Variants in MYH10 observed in about 807,000 individuals in gnomAD.
The protein encoded by MYH10 is myosin heavy chain 10.
Under a neutral mutation model 257.8 loss-of-function variants are expected in MYH10, and 55 were observed. The ratio of observed to expected loss-of-function variants is 0.21; its 90% CI spans 0.17 to 0.27. MYH10 has a LOEUF of 0.27. Among genes scored for constraint, MYH10 ranks in the 10% least tolerant of loss-of-function variants. MYH10 has a pLI of 1.00. For synonymous variants in MYH10, 854 were observed against 921.7 expected, an observed-to-expected ratio of 0.93 and a Z score of 1.33; for missense variants, 1,631 against 2,500.6, an observed-to-expected ratio of 0.65 and a Z score of 7.42.
In MYH10 at chr17:8,551,742, C is replaced by T. The variant is rs2082649327; in HGVS notation, c.919+304G>A. Among the ~76,000 whole-genome samples, 3 of 152,056 alleles carry T rather than the reference C, an allele frequency of 2.0e-5. No individual in the cohort carries two copies. The South Asian group carries it at 6.2e-4, about 31-fold the overall frequency. ...CATTAGGTAAATTTCTTTTCCCTTA[C>T]TTTCATATTTTAAAACGTTGAAACA... On this transcript the variant is annotated intron_variant, in intron 9 of 42. Coordinates refer to ENST00000360416, the MANE Select transcript of MYH10 (RefSeq NM_001256012.3).
At chr17:8,514,474 A>G (rs1391601192) in intron 21 of MYH10, among the ~76,000 whole-genome samples, 2 of 151,892 alleles carry the variant, frequency 1.3e-5, no homozygotes, top group Non-Finnish European at 2.9e-5. Flanking sequence ...AGATCTGTGG[A>G]GCCCTCACCT....
intron 5 of MYH10, 90 bp from the exon 6 acceptor site, chr17:8,576,762 C>A (rs1361606333): frequency 8.0e-7 from 1 of 1,253,444 alleles, no homozygotes; most frequent in Non-Finnish European, 1.1e-6. Context: ...AGCCAATGTG[C>A]AGTTGAGAAC....
At chr17:8,622,843 T>A in intron 2 of MYH10, 59 bp downstream of exon 2, 1 of 1,546,930 alleles carries the variant, frequency 6.5e-7, no homozygotes, top group South Asian at 1.2e-5. Flanking sequence ...TGACAAGATG[T>A]ATAATTTACA....
rs769993998 is a variant in MYH10, at chr17:8,484,285, GT to G, written c.5047-20del. On this transcript the variant is annotated intron_variant, in intron 36 of 42. Transcript: ENST00000360416. Reference sequence around the variant, plus strand: ...TCTGAGCCTAAGATTAAATAAGAAGGTTTTGGGGTGGTTTACATTCTTAGTT... The same window carrying G: ...TCTGAGCCTAAGATTAAATAAGAAGGTTTGGGGTGGTTTACATTCTTAGTT... 8 of 1,587,288 alleles carry G rather than the reference GT, an allele frequency of 5.0e-6. No individual in the cohort carries two copies. Among genetic ancestry groups the G allele is most frequent in the African/African-American group, 4.1e-5 (3 of 72,986 alleles).
chr17:8,558,727 A>C (rs1418438826), intron 7 of MYH10, among the ~76,000 whole-genome samples: 1 of 152,256 alleles, frequency 6.6e-6, no homozygotes, highest in Non-Finnish European at 1.5e-5. Flanking sequence ...TGAATATACA[A>C]AATTCTGATA....
At chr17:8,574,340 G>C (rs1173692124) in intron 6 of MYH10, among the ~76,000 whole-genome samples, 1 of 152,188 alleles carries the variant, frequency 6.6e-6, no homozygotes, top group Non-Finnish European at 1.5e-5. Context: ...CAAATACATA[G>C]AGACAGAAAG....
At chr17:8,546,220 G>A (rs2082439425) in intron 12 of MYH10, among the ~76,000 whole-genome samples, 2 of 151,726 alleles carry the variant, frequency 1.3e-5, no homozygotes, top group African/African-American at 4.8e-5. Flanking sequence ...CATCACGCCC[G>A]GCTAATTTTT....
At chr17:8,561,453 G>A in intron 7 of MYH10, 1 of 1,175,460 alleles carries the variant, frequency 8.5e-7, no homozygotes. Context: ...ATTACCGTGT[G>A]AGTTGTGCAA....
chr17:8,480,071 G>C (rs1348603883), intron 40 of MYH10, 39 bp downstream of exon 40: 1 of 1,603,306 alleles, frequency 6.2e-7, no homozygotes. Flanking sequence ...ACTGAGCCTA[G>C]TTGGTAAGTT....
intron 2 of MYH10, among the ~76,000 whole-genome samples, chr17:8,614,349 T>C (rs1265657314): frequency 7.6e-6 from 1 of 130,920 alleles, no homozygotes; most frequent in African/African-American, 3.0e-5. Context: ...GGATTCTCGC[T>C]CTGTTGTTCA....
Position 8,487,531 on chromosome 17 carries a change from T to C in MYH10, c.4948A>G (p.Lys1650Glu). ...RKQRALAVAS[K>E]KKMEIDLKDL... The stretch of plus-strand genomic sequence containing the variant: ...TTCAGGTCTATCTCCATCTTTTTCT[T>C]TGAAGCTACAGCAAGCGCCCGCTGT... The change falls in exon 36 of 43, where the codon AAG (lysine) becomes GAG (glutamate). Residue 1650 changes from lysine (K) to glutamate (E), a missense_variant. Lys to Glu is a moderately conservative substitution (Grantham distance 56). Transcript: ENST00000360416. The C allele has an allele frequency of 6.2e-7, 1 of 1,614,216 alleles. No homozygotes were observed. Among genetic ancestry groups the C allele is most frequent in the Non-Finnish European group, 8.5e-7 (1 of 1,180,042 alleles).
chr17:8,588,433 T>G (rs562447761), intron 4 of MYH10, among the ~76,000 whole-genome samples: 173 of 152,334 alleles, frequency 1.1e-3, no homozygotes, highest in African/African-American at 4.0e-3. Context: ...GTCAGGAGAT[T>G]TCAGCAACAA....
Position 8,504,648 on chromosome 17 carries a change from G to T in MYH10, c.3599+46C>A. On this transcript the variant is annotated intron_variant, in intron 28 of 42. Coordinates refer to ENST00000360416, the MANE Select transcript of MYH10 (RefSeq NM_001256012.3). This position sits in a 1 kb window ranked among gnomAD's most constrained non-coding sequence, Gnocchi z 5.6. Reference sequence around the variant, plus strand: ...CAGGCATTTCTGCACGGGCTCGGTGGAGAGGTCGGCAGGCGCCCGGGCCCT... The same window carrying T: ...CAGGCATTTCTGCACGGGCTCGGTGTAGAGGTCGGCAGGCGCCCGGGCCCT... The T allele has an allele frequency of 1.3e-6, 2 of 1,555,188 alleles. No homozygotes were observed. Among genetic ancestry groups the T allele is most frequent in the South Asian group, 1.1e-5 (1 of 88,700 alleles).
chr17:8,571,642 T>TCC (rs1240671873), intron 6 of MYH10, among the ~76,000 whole-genome samples: 10 of 150,748 alleles, frequency 6.6e-5, no homozygotes, highest in East Asian at 2.0e-4. Context: ...ATTAGCCGGG[T>TCC]GTGGTGGCGG....
chr17:8,494,480 G>T (rs1007066105), intron 31 of MYH10, among the ~76,000 whole-genome samples: 1 of 152,086 alleles, frequency 6.6e-6, no homozygotes, highest in East Asian at 1.9e-4. Context: ...TGCATGGGGT[G>T]TGCTTTGGTA....
chr17:8,608,419 G>A (rs769077437), intron 2 of MYH10, among the ~76,000 whole-genome samples: 48 of 152,292 alleles, frequency 3.2e-4, no homozygotes, highest in Middle Eastern at 3.4e-3. Context: ...ATTAAAGACC[G>A]AAGTCAAAGA....
intron 7 of MYH10, 45 bp from the exon 8 acceptor site, chr17:8,554,063 T>C: frequency 1.5e-6 from 2 of 1,334,760 alleles, no homozygotes; most frequent in Non-Finnish European, 2.2e-6. Context: ...AGTAAGTACA[T>C]ACTGGATATG....
At chr17:8,499,120 A>G in intron 30 of MYH10, 150 bp downstream of exon 30, 1 of 658,134 alleles carries the variant, frequency 1.5e-6, no homozygotes, top group Non-Finnish European at 2.6e-6. Context: ...GACACTAGGG[A>G]CACCTAAGAC....
At chr17:8,578,243 C>CCT in intron 4 of MYH10, among the ~76,000 whole-genome samples, 1 of 129,220 alleles carries the variant, frequency 7.7e-6, no homozygotes, top group East Asian at 2.2e-4. Context: ...TTCTTTCTTT[C>CCT]TTTTTTTTTT....
Sources: gnomAD v4.1 joint callset for allele counts (sites outside exome capture counted in the v4.1 genomes callset) on GRCh38, gnomAD v4.1.1 for gene constraint, Gnocchi (gnomAD v3.1) non-coding constraint, MANE v1.5 for transcripts, NCBI Gene and HGNC (gene_info 2026-07-23, HGNC 2026-07-21) for gene names.